DDX19B: variants seen among roughly 807,000 people sequenced by gnomAD.
DDX19B encodes ATP-dependent RNA helicase DDX19B.
Under a neutral mutation model 58.1 loss-of-function variants are expected in DDX19B, and 27 were observed. That is an observed-to-expected ratio of 0.46 (90% confidence interval 0.34 to 0.64). The LOEUF (loss-of-function observed/expected upper bound fraction) is 0.64. Ranked by LOEUF, DDX19B falls within the 30% of genes least tolerant of loss-of-function variation. The pLI is 0.01. For synonymous variants in DDX19B, 187 were observed against 214.4 expected (o/e 0.87, Z 1.12); for missense variants, 399 against 596.5 (o/e 0.67, Z 3.45).
At chr16:70,314,541 G>A (rs1254302987) in intron 2 of DDX19B, among the ~76,000 whole-genome samples, 1 of 152,012 alleles carries the variant, frequency 6.6e-6, no homozygotes, top group Non-Finnish European at 1.5e-5. Context: ...GCGGGTGCCT[G>A]TAATCCCAGC....
intron 1 of DDX19B, among the ~76,000 whole-genome samples, chr16:70,303,591 C>G (rs1300238686): frequency 3.3e-5 from 5 of 152,222 alleles, no homozygotes; most frequent in Admixed American, 3.3e-4. Context: ...GAGGCTTGCT[C>G]TGTCGCCTGG....
intron 5 of DDX19B, among the ~76,000 whole-genome samples, chr16:70,322,968 C>T (rs936859587): frequency 2.6e-5 from 4 of 151,722 alleles, no homozygotes; most frequent in South Asian, 2.1e-4. Context: ...CACCTGTGGC[C>T]GGGGGCCCTC....
intron 7 of DDX19B, among the ~76,000 whole-genome samples, chr16:70,328,103 G>A (rs755392824): frequency 2.6e-5 from 4 of 151,154 alleles, no homozygotes; most frequent in African/African-American, 7.3e-5. Flanking sequence ...GCAGTGAGCC[G>A]AGATTGCACC....
chr16:70,332,818 T>C, intron 10 of DDX19B, 150 bp from the exon 11 acceptor site: 3 of 1,445,786 alleles, frequency 2.1e-6, no homozygotes, highest in Non-Finnish European at 2.8e-6. Flanking sequence ...GCACGGCCTT[T>C]CAGATCTGGC....
intron 1 of DDX19B, among the ~76,000 whole-genome samples, chr16:70,308,979 C>T (rs79083856): frequency 0.029 from 4,351 of 152,184 alleles, 103 homozygotes; most frequent in East Asian, 0.045. Context: ...CTGCCCTCCC[C>T]CATTAGTGTA....
chr16:70,300,536 A>G (rs1286422539), intron 1 of DDX19B, among the ~76,000 whole-genome samples: 2 of 150,304 alleles, frequency 1.3e-5, no homozygotes, highest in Non-Finnish European at 3.0e-5. Flanking sequence ...CTTTCTTTAC[A>G]TATATTTTTT....
rs1961371408 is a variant in DDX19B, at chr16:70,299,479, G to T, written c.57+125G>T. 21 of 1,165,924 alleles carry T rather than the reference G, an allele frequency of 1.8e-5. No individual in the cohort carries two copies. The South Asian group carries it at 3.5e-4, about 19-fold the overall frequency. The allele number at this position is 1,165,924 out of a possible 1,614,324, so 72.2% of individuals were successfully genotyped here. The stretch of plus-strand genomic sequence containing the variant: ...GGGTGGCGGGGAGGATAGGGATGGA[G>T]CCTGGACCCTGAGCTGGCTTTGTTT... On this transcript the variant is annotated intron_variant, in intron 1 of 11. Coordinates refer to ENST00000288071, the MANE Select transcript of DDX19B (RefSeq NM_007242.7).
At chr16:70,317,385 C>A in intron 4 of DDX19B, 111 bp from the exon 5 acceptor site, 1 of 782,180 alleles carries the variant, frequency 1.3e-6, no homozygotes, top group Non-Finnish European at 2.0e-6. Context: ...TGCTCAAAAA[C>A]AAACAAACAA....
intron 1 of DDX19B, among the ~76,000 whole-genome samples, chr16:70,305,117 T>C (rs538622715): frequency 6.6e-6 from 1 of 152,238 alleles, no homozygotes; most frequent in Non-Finnish European, 1.5e-5. Flanking sequence ...TGTAAACACA[T>C]GAGTGGGGCT....
At chr16:70,301,684 T>TTC (rs202010837) in intron 1 of DDX19B, among the ~76,000 whole-genome samples, 4 of 150,704 alleles carry the variant, frequency 2.7e-5, no homozygotes, top group African/African-American at 4.9e-5. Context: ...CTCTCTTTCT[T>TTC]TCTCTCTCTC....
upstream of DDX19B, among the ~76,000 whole-genome samples, chr16:70,290,712 T>A (rs1417395053): frequency 6.6e-6 from 1 of 152,124 alleles, no homozygotes; most frequent in Non-Finnish European, 1.5e-5. Context: ...ATGTATGTAT[T>A]TATACGTGAG....
At chr16:70,317,464 A>G (rs1335713878) in intron 4 of DDX19B, 32 bp from the exon 5 acceptor site, 1 of 1,554,442 alleles carries the variant, frequency 6.4e-7, no homozygotes, top group African/African-American at 1.4e-5. Context: ...AACCAAAGAG[A>G]CTGTGACTTT....
chr16:70,321,566 A>G (rs1400434983), intron 5 of DDX19B, among the ~76,000 whole-genome samples: 4 of 152,226 alleles, frequency 2.6e-5, no homozygotes, highest in Non-Finnish European at 2.9e-5. Flanking sequence ...TTAGTCAACA[A>G]CGCAGACCAA....
At chr16:70,294,213 C>G (rs1489447432), upstream of DDX19B, among the ~76,000 whole-genome samples, 1 of 151,020 alleles carries the variant, frequency 6.6e-6, no homozygotes, top group Non-Finnish European at 1.5e-5. Context: ...TTGCGAGTAG[C>G]TGGGACTACA....
At chr16:70,323,038 C>T (rs1258308859) in intron 5 of DDX19B, among the ~76,000 whole-genome samples, 3 of 152,014 alleles carry the variant, frequency 2.0e-5, no homozygotes, top group African/African-American at 7.2e-5. Context: ...TTTCCCCTGC[C>T]GGAAGACCTC....
chr16:70,294,714 G>C (rs1188065853), upstream of DDX19B: 1 of 578,914 alleles, frequency 1.7e-6, no homozygotes, highest in African/African-American at 1.9e-5. Flanking sequence ...TTCCTGGGGC[G>C]CGTGCCCGAG....
chr16:70,326,624 C>G (rs1472873296), intron 7 of DDX19B, among the ~76,000 whole-genome samples: 1 of 152,124 alleles, frequency 6.6e-6, no homozygotes. Context: ...GCAACCTCTG[C>G]CCTCCGGGTT....
chr16:70,331,938 G>A (rs1963504784), intron 10 of DDX19B, 54 bp downstream of exon 10: 2 of 1,596,518 alleles, frequency 1.3e-6, no homozygotes, highest in South Asian at 1.1e-5. Context: ...CCCAGGCCCA[G>A]TTAGAGCCAG....
chr16:70,299,445 G>C (rs986724162), intron 1 of DDX19B, 91 bp downstream of exon 1: 2 of 1,418,120 alleles, frequency 1.4e-6, no homozygotes, highest in African/African-American at 2.9e-5. Context: ...GTTGATTAGA[G>C]GCTGGATGGG....
Sources: gnomAD v4.1 joint callset for allele counts (sites outside exome capture counted in the v4.1 genomes callset) on GRCh38, gnomAD v4.1.1 for gene constraint, MANE v1.5 for transcripts, NCBI Gene and HGNC (gene_info 2026-07-23, HGNC 2026-07-21) for gene names.